IQSEC1: variants seen among roughly 807,000 people sequenced by gnomAD.
The protein encoded by IQSEC1 is IQ motif and Sec7 domain ArfGEF 1, also known as IQ motif and SEC7 domain-containing protein 1.
A neutral mutation model predicts 91.0 loss-of-function variants in IQSEC1; 31 were observed. The ratio of observed to expected loss-of-function variants is 0.34; its 90% CI spans 0.26 to 0.46. The LOEUF is 0.46. IQSEC1 is among the 20% of genes least tolerant of loss of function. The pLI is 1.00. For synonymous variants in IQSEC1, 699 were observed against 662.6 expected (o/e 1.05, Z -0.84); for missense variants, 1,388 against 1,575.6 (o/e 0.88, Z 2.02).
intron 2 of IQSEC1, among the ~76,000 whole-genome samples, chr3:13,110,944 G>A (rs1706235308): frequency 6.6e-6 from 1 of 152,168 alleles, no homozygotes; most frequent in Non-Finnish European, 1.5e-5. Flanking sequence ...GGGAATTACC[G>A]CACCAGCTGT....
intron 1 of IQSEC1, among the ~76,000 whole-genome samples, chr3:13,013,911 T>C (rs983156183): frequency 3.3e-5 from 5 of 150,554 alleles, no homozygotes; most frequent in African/African-American, 1.2e-4. Context: ...GGTGAGGACA[T>C]GAGGCCTCAG....
At position 12,920,650 on chromosome 3, in the gene IQSEC1, CCT is replaced by C. The variant is rs1272198429; in HGVS notation, c.1854-56_1854-55del. The C allele has an allele frequency of 3.8e-6, 6 of 1,564,396 alleles. No homozygotes were observed. In the South Asian group the frequency reaches 4.5e-5, roughly 12 times the overall value. On this transcript the variant is annotated intron_variant, in intron 5 of 13. Transcript: ENST00000613206. ...CCATGGCGCAGCAAGTGACACGGCCCCTCTCTCACCCGCTGAGGCTGTCATGT... is the reference window on the plus strand; with the variant it reads ...CCATGGCGCAGCAAGTGACACGGCCCCTCTCACCCGCTGAGGCTGTCATGT...
chr3:12,899,095 TG>T lies in IQSEC1; in HGVS notation c.*1887del. ...TCTAGATTGCTGTATTTGCTCTCTCTGGAGATTAACAAAGTGCTTGGTTTGC... is the reference window on the plus strand; with the variant it reads ...TCTAGATTGCTGTATTTGCTCTCTCTGAGATTAACAAAGTGCTTGGTTTGC... On this transcript the variant is annotated 3_prime_UTR_variant, in exon 14 of 14. Coordinates refer to ENST00000613206, the MANE Select transcript of IQSEC1 (RefSeq NM_001134382.3). The T allele has an allele frequency of 2.0e-6, 1 of 495,750 alleles. No individual in the cohort carries two copies. Among genetic ancestry groups the T allele is most frequent in the Admixed American group, 3.5e-5 (1 of 28,864 alleles). The allele number at this position is 495,750 out of a possible 1,614,324, so 30.7% of individuals were successfully genotyped here. A position where few individuals can be genotyped will look rare whatever the true frequency, so the allele number is the denominator to read the frequency against.
chr3:13,040,770 C>T (rs906887397), intron 1 of IQSEC1, among the ~76,000 whole-genome samples: 2 of 152,180 alleles, frequency 1.3e-5, no homozygotes, highest in African/African-American at 2.4e-5. Context: ...ACCTGTGCTC[C>T]CCATCTCAAC....
At chr3:12,952,091 C>T (rs1313025590) in intron 1 of IQSEC1, among the ~76,000 whole-genome samples, 1 of 152,162 alleles carries the variant, frequency 6.6e-6, no homozygotes, top group African/African-American at 2.4e-5. Context: ...AGAAGTCACC[C>T]CTACAGGGCG....
chr3:13,054,602 C>T (rs1704809470), intron 1 of IQSEC1, among the ~76,000 whole-genome samples: 1 of 152,238 alleles, frequency 6.6e-6, no homozygotes, highest in African/African-American at 2.4e-5. Flanking sequence ...TGCCAGGTCC[C>T]CCAGGCTTAC....
rs1698064968 is a variant in IQSEC1 at position 12,935,270 on chromosome 3, C to CTA, written c.1568+176_1568+177dup. ...TCCCCACCAGCAGTCCCAGGAGGGG[C>CTA]TAGGCCTCAGCGCACAGGCTGGCAC... On this transcript the variant is annotated intron_variant, in intron 3 of 13. Coordinates refer to ENST00000613206, the MANE Select transcript of IQSEC1 (RefSeq NM_001134382.3). The surrounding 1 kb of genome is among the most constrained non-coding windows in gnomAD (Gnocchi z 8.0). Among the ~76,000 whole-genome samples, 1 of 152,220 alleles carries CTA rather than the reference C, an allele frequency of 6.6e-6. No individual in the cohort carries two copies.
chr3:13,095,407 T>A (rs1050363944), intron 2 of IQSEC1, among the ~76,000 whole-genome samples: 1 of 152,116 alleles, frequency 6.6e-6, no homozygotes, highest in African/African-American at 2.4e-5. Flanking sequence ...GATGCTGGTG[T>A]GCGCTCCTTT....
intron 2 of IQSEC1, among the ~76,000 whole-genome samples, chr3:13,093,679 G>T (rs1163130335): frequency 6.6e-6 from 1 of 152,194 alleles, no homozygotes; most frequent in Admixed American, 6.5e-5. Flanking sequence ...GACGCATGCA[G>T]CTACAGCCTG....
intron 1 of IQSEC1, among the ~76,000 whole-genome samples, chr3:13,056,398 G>C (rs1018113430): frequency 1.3e-5 from 2 of 151,980 alleles, no homozygotes; most frequent in African/African-American, 2.4e-5. Context: ...TGGCCTTTCT[G>C]GGGGGTCCTT....
chr3:12,907,845 C>T (rs1695143494), intron 12 of IQSEC1, among the ~76,000 whole-genome samples: 1 of 152,220 alleles, frequency 6.6e-6, no homozygotes, highest in Non-Finnish European at 1.5e-5. Flanking sequence ...GGCTGCTGCT[C>T]AATGGCCTCT....
chr3:12,960,390 A>G (rs1244902925), intron 1 of IQSEC1: 3 of 152,154 alleles, frequency 2.0e-5, no homozygotes, highest in African/African-American at 4.8e-5. Context: ...GTAGCCATCC[A>G]CGGTGGCTGT....
chr3:13,093,986 A>T (rs1705913083), intron 2 of IQSEC1, among the ~76,000 whole-genome samples: 1 of 152,196 alleles, frequency 6.6e-6, no homozygotes, highest in African/African-American at 2.4e-5. Context: ...AGATCTGAAA[A>T]AGAGACCTCT....
At chr3:13,164,051 G>A (rs1559267576) in intron 2 of IQSEC1, among the ~76,000 whole-genome samples, 2 of 152,196 alleles carry the variant, frequency 1.3e-5, no homozygotes. Context: ...TTTCATCAAC[G>A]CCGCTCACCG....
chr3:13,040,218 G>A (rs758244724), intron 1 of IQSEC1, among the ~76,000 whole-genome samples: 2 of 152,138 alleles, frequency 1.3e-5, no homozygotes, highest in Non-Finnish European at 2.9e-5. Context: ...TCCCTGTCTG[G>A]AAAATTCCAA....
chr3:13,176,520 C>G (rs1052545613), intron 1 of IQSEC1, among the ~76,000 whole-genome samples: 1 of 152,186 alleles, frequency 6.6e-6, no homozygotes, highest in Non-Finnish European at 1.5e-5. Context: ...GTAAAGCAGT[C>G]GGGAACACAT....
intron 1 of IQSEC1, among the ~76,000 whole-genome samples, chr3:13,210,342 C>T (rs1364093713): frequency 6.6e-6 from 1 of 152,152 alleles, no homozygotes; most frequent in Non-Finnish European, 1.5e-5. Flanking sequence ...TTCGGCTTCT[C>T]ATCTAGCCCC....
chr3:13,257,259 T>C (rs1200213630), intron 1 of IQSEC1, among the ~76,000 whole-genome samples: 1 of 152,096 alleles, frequency 6.6e-6, no homozygotes, highest in African/African-American at 2.4e-5. Context: ...TGATTTCACA[T>C]GTAAGCTGCC....
chr3:13,219,849 C>T (rs1463343973), intron 1 of IQSEC1, among the ~76,000 whole-genome samples: 1 of 152,258 alleles, frequency 6.6e-6, no homozygotes. Flanking sequence ...CCCTGAGAGG[C>T]TGGTGGCTTA....
Sources: gnomAD v4.1 joint callset for allele counts (sites outside exome capture counted in the v4.1 genomes callset) on GRCh38, gnomAD v4.1.1 for gene constraint, Gnocchi (gnomAD v3.1) non-coding constraint, MANE v1.5 for transcripts, NCBI Gene and HGNC (gene_info 2026-07-23, HGNC 2026-07-21) for gene names.